The following FN3KRP variants were observed in gnomAD, a reference collection of about 807,000 sequenced individuals.
The protein encoded by FN3KRP is ketosamine-3-kinase.
FN3KRP carries 33 observed loss-of-function variants against 29.8 expected under a neutral mutation model. That is an observed-to-expected ratio of 1.11 (90% CI 0.84 to 1.48). FN3KRP has a LOEUF of 1.48. Ranked by LOEUF, FN3KRP falls within the 40% of genes most tolerant of loss-of-function variation. The pLI is 0.00. For synonymous variants in FN3KRP, 157 were observed against 155.2 expected, an observed-to-expected ratio of 1.01 and a Z score of -0.09; for missense variants, 430 against 402.6, an observed-to-expected ratio of 1.07 and a Z score of -0.58.
Position 82,726,947 on chromosome 17 carries a change from G to T in FN3KRP, c.706G>T (p.Ala236Ser), listed in dbSNP as rs778487608. The change falls in exon 6 of 6, where the codon GCT becomes TCT. Residue 236 changes from alanine to serine, a missense_variant. Ala to Ser is a moderately conservative substitution (Grantham distance 99, BLOSUM62 1). Coordinates refer to ENST00000269373, the MANE Select transcript of FN3KRP (RefSeq NM_024619.4). ...CTCTGGGCCGGTGATTTTTGACCCA[G>T]CTTCTTTCTACGGCCACTCGGAATA... ...DSSGPVIFDP[A>S]SFYGHSEYEL... is the part of the protein sequence containing the mutation. The T allele has an allele frequency of 6.2e-7, 1 of 1,613,394 alleles. No homozygotes were observed. Among genetic ancestry groups the T allele is most frequent in the Admixed American group, 1.7e-5 (1 of 59,818 alleles).
In FN3KRP at chr17:82,726,966, CGGAA is replaced by C; in HGVS notation, c.726_729del (p.Glu243MetfsTer5). 1 of 1,613,918 alleles carries C rather than the reference CGGAA, an allele frequency of 6.2e-7. No individual in the cohort carries two copies. The highest frequency in any genetic ancestry group is 8.5e-7 in the Non-Finnish European group (1 of 1,179,986). Reference sequence around the variant, plus strand: ...GACCCAGCTTCTTTCTACGGCCACTCGGAATATGAGCTGGCAATAGCTGGCATGT... The same window carrying C: ...GACCCAGCTTCTTTCTACGGCCACTCTATGAGCTGGCAATAGCTGGCATGT... On this transcript the variant is annotated frameshift_variant, in exon 6 of 6. Coordinates refer to ENST00000269373, the MANE Select transcript of FN3KRP (RefSeq NM_024619.4). LOFTEE classifies it high-confidence loss of function.
chr17:82,717,455 C>G (rs1250331729), intron 1 of FN3KRP, among the ~76,000 whole-genome samples: 1 of 152,158 alleles, frequency 6.6e-6, no homozygotes, highest in Non-Finnish European at 1.5e-5. Context: ...CGCGGTGGCT[C>G]ACGCCTGTAA....
intron 1 of FN3KRP, chr17:82,718,589 T>G (rs1363275446): frequency 9.0e-7 from 1 of 1,107,934 alleles, no homozygotes; most frequent in Non-Finnish European, 1.1e-6. Context: ...ATGTTCACAG[T>G]CCCACTGTTG....
rs1598332465 is a variant in FN3KRP at position 82,719,172 on chromosome 17, C to T, written c.293+115C>T. On this transcript the variant is annotated intron_variant, in intron 2 of 5. Coordinates refer to ENST00000269373, the MANE Select transcript of FN3KRP (RefSeq NM_024619.4). ...CCACTGGCTGGCTTTATTATCTGAG[C>T]AGGTGTGTGTTCACACCACCCCCCA... The T allele has an allele frequency of 1.2e-5, 12 of 1,020,102 alleles. No individual in the cohort carries two copies. In the East Asian group the frequency reaches 3.0e-4, roughly 26 times the overall value. 63.2% of individuals were successfully genotyped at this position (1,020,102 alleles called of 1,614,324 possible).
intron 4 of FN3KRP, among the ~76,000 whole-genome samples, chr17:82,725,805 C>G (rs550704564): frequency 1.3e-5 from 2 of 152,314 alleles, no homozygotes; most frequent in South Asian, 4.1e-4. Context: ...CAAGGAAAAT[C>G]CAGAGGAGCA....
Position 82,718,907 on chromosome 17 carries a change from C to G in FN3KRP, c.143C>G (p.Ala48Gly). 6.2e-7 allele frequency: 1 copy of G among 1,613,388 alleles called. No homozygotes were observed. Among genetic ancestry groups the G allele is most frequent in the South Asian group, 1.1e-5 (1 of 91,056 alleles). ...VFVKVNPKAEARRMFEGEMAS... is the reference protein window; with the variant it reads ...VFVKVNPKAEGRRMFEGEMAS... ...CTTCCTCTCGTATTTTTCTGACAGG[C>G]CAGAAGAATGTTTGAAGGTGAGATG... Residue 48 changes from alanine to glycine, a missense_variant and splice_region_variant, in exon 2 of 6, where the codon GCC becomes GGC. Transcript: ENST00000269373.
At chr17:82,726,325 C>T (rs1179355026) in intron 4 of FN3KRP, among the ~76,000 whole-genome samples, 155 bp from the exon 5 acceptor site, 5 of 152,192 alleles carry the variant, frequency 3.3e-5, no homozygotes, top group Non-Finnish European at 5.9e-5. Context: ...CCGGTTCCTC[C>T]TGGGATGTGG....
rs530233732 is a variant in FN3KRP at position 82,726,760 on chromosome 17, G to A, written c.592-73G>A. ...ATCCGCTGCTGCCTGGGCTGGGGGC[G>A]GTGGGGACCTGGAGCGGCGCCCCTC... On this transcript the variant is annotated intron_variant, in intron 5 of 5. Coordinates refer to ENST00000269373, the MANE Select transcript of FN3KRP (RefSeq NM_024619.4). 6.5e-5 allele frequency: 96 copies of A among 1,486,478 alleles called. 1 individual carries two copies. The South Asian group carries it at 7.4e-4, about 11-fold the overall frequency. The allele number at this position is 1,486,478 out of a possible 1,614,324, so 92.1% of individuals were successfully genotyped here.
In FN3KRP at chr17:82,727,165, C is replaced by A; in HGVS notation, c.924C>A (p.Val308=). The change falls in exon 6 of 6, where the codon GTC becomes GTA. Residue 308 remains valine, a synonymous_variant. Coordinates refer to ENST00000269373, the MANE Select transcript of FN3KRP (RefSeq NM_024619.4). ...CCCTGAACATCATGAGGAATCTGGT[C>A]AAGTGAGCGGGCCTTACTCTGGAAG... The part of the protein sequence containing the change: ...GSSLNIMRNL[V]K 1 of 1,613,018 alleles carries A rather than the reference C, an allele frequency of 6.2e-7. No homozygotes were observed. The highest frequency in any genetic ancestry group is 1.1e-5 in the South Asian group (1 of 91,002).
At chr17:82,717,428 C>T (rs933752744) in intron 1 of FN3KRP, among the ~76,000 whole-genome samples, 3 of 152,182 alleles carry the variant, frequency 2.0e-5, no homozygotes, top group African/African-American at 7.2e-5. Context: ...TTCTGTTAGA[C>T]TCATTCTCGG....
chr17:82,726,780 C>T, intron 5 of FN3KRP, 53 bp from the exon 6 acceptor site: 4 of 1,501,362 alleles, frequency 2.7e-6, no homozygotes, highest in Non-Finnish European at 3.6e-6. Flanking sequence ...TGGAGCGGCG[C>T]CCCTCATGCA....
intron 1 of FN3KRP, among the ~76,000 whole-genome samples, chr17:82,717,322 C>T (rs564237216): frequency 5.3e-5 from 8 of 152,280 alleles, no homozygotes; most frequent in African/African-American, 1.9e-4. Context: ...AGGTGTCCAT[C>T]CCCCGTGAGC....
Position 82,727,349 on chromosome 17 carries a change from G to C in FN3KRP, c.*178G>C. On this transcript the variant is annotated 3_prime_UTR_variant, in exon 6 of 6. Transcript: ENST00000269373. ...TTGTCATCCCAGCGTTGTCCACTTT[G>C]TGGGGCTTTGTAGGTAGACGGAGCC... is the stretch of plus-strand genomic sequence containing the variant. 1 of 605,408 alleles carries C rather than the reference G, an allele frequency of 1.7e-6. No individual in the cohort carries two copies. Among genetic ancestry groups the C allele is most frequent in the Non-Finnish European group, 2.8e-6 (1 of 353,012 alleles). 37.5% of individuals were successfully genotyped at this position (605,408 alleles called of 1,614,324 possible).
At chr17:82,719,194 C>A in intron 2 of FN3KRP, 137 bp downstream of exon 2, 4 of 787,518 alleles carry the variant, frequency 5.1e-6, no homozygotes, top group African/African-American at 1.7e-5. Flanking sequence ...CACACCACCC[C>A]CCAGCTGGCT....
chr17:82,718,165 C>G (rs1324625464), intron 1 of FN3KRP, among the ~76,000 whole-genome samples: 1 of 113,676 alleles, frequency 8.8e-6, no homozygotes, highest in African/African-American at 3.4e-5. Context: ...TGTTGTGTGT[C>G]TGTATATGTT....
intron 4 of FN3KRP, among the ~76,000 whole-genome samples, chr17:82,723,608 CGCATGTGT>C (rs1043201490): frequency 2.1e-5 from 3 of 146,054 alleles, no homozygotes; most frequent in African/African-American, 7.8e-5. Flanking sequence ...TGTATGTGCA[CGCATGTGT>C]GCATATGTGT....
intron 3 of FN3KRP, 98 bp downstream of exon 3, chr17:82,720,461 C>G: frequency 1.1e-6 from 1 of 879,502 alleles, no homozygotes. Context: ...GTGGGAGGGT[C>G]GGACGTGGGC....
rs889541437 is a variant in FN3KRP at position 82,717,005 on chromosome 17, C to T, written c.141+109C>T. On this transcript the variant is annotated intron_variant, in intron 1 of 5. Coordinates refer to ENST00000269373, the MANE Select transcript of FN3KRP (RefSeq NM_024619.4). ...TTCTCCCGCCGGAGGCCGTGGGTGG[C>T]TCTCCCGGGACTGCCGCCGCCGCCC... 6 of 1,350,876 alleles carry T rather than the reference C, an allele frequency of 4.4e-6. No individual in the cohort carries two copies. In the African/African-American group the frequency reaches 4.6e-5, roughly 10 times the overall value. The allele number at this position is 1,350,876 out of a possible 1,614,324, so 83.7% of individuals were successfully genotyped here. A position where few individuals can be genotyped will look rare whatever the true frequency, so the allele number is the denominator to read the frequency against.
rs576404947 is a variant in FN3KRP at position 82,720,103 on chromosome 17, T to G, written c.294-169T>G. The stretch of plus-strand genomic sequence containing the variant: ...ATCGCTTGAACCTGGGAGGCGGAGC[T>G]TGCAGTGAGCCGAGATCGTGCCACT... On this transcript the variant is annotated intron_variant, in intron 2 of 5. Coordinates refer to ENST00000269373, the MANE Select transcript of FN3KRP (RefSeq NM_024619.4). The G allele has an allele frequency of 7.3e-5, 36 of 496,220 alleles. No homozygotes were observed. The East Asian group carries it at 1.3e-3, about 18-fold the overall frequency. The allele number at this position is 496,220 out of a possible 1,614,324, so 30.7% of individuals were successfully genotyped here.
Sources: gnomAD v4.1 joint callset for allele counts (sites outside exome capture counted in the v4.1 genomes callset) on GRCh38, gnomAD v4.1.1 for gene constraint, MANE v1.5 for transcripts, NCBI Gene and HGNC (gene_info 2026-07-23, HGNC 2026-07-21) for gene names.